Variants in RABGAP1L observed in about 807,000 individuals in gnomAD.
RABGAP1L encodes rab GTPase-activating protein 1-like.
RABGAP1L carries 63 observed loss-of-function variants against 137.7 expected under a neutral mutation model. That is an observed-to-expected ratio of 0.46 (90% CI 0.37 to 0.56). The LOEUF (loss-of-function observed/expected upper bound fraction) is 0.56. RABGAP1L is among the 20% of genes least tolerant of loss of function. The pLI is 0.00. For missense variants in RABGAP1L, 1,095 were observed against 1,244.0 expected (o/e 0.88, Z 1.80); for synonymous variants, 431 against 433.7 (o/e 0.99, Z 0.08).
chr1:174,656,445 G>C (rs1675978505), intron 14 of RABGAP1L, among the ~76,000 whole-genome samples: 1 of 152,130 alleles, frequency 6.6e-6, no homozygotes. Flanking sequence ...GCAACAGAGT[G>C]AGACTCCTTC....
intron 19 of RABGAP1L, among the ~76,000 whole-genome samples, chr1:174,910,848 T>A (rs142915640): frequency 6.6e-6 from 1 of 152,288 alleles, no homozygotes; most frequent in African/African-American, 2.4e-5. Context: ...AAATCATAAT[T>A]CTATATTTAA....
intron 17 of RABGAP1L, among the ~76,000 whole-genome samples, chr1:174,710,869 C>G (rs1345177029): frequency 1.3e-5 from 2 of 152,218 alleles, no homozygotes; most frequent in African/African-American, 2.4e-5. Context: ...AAAAGACAGA[C>G]TGGCAAATTG....
In RABGAP1L at chr1:174,448,648, C is replaced by T. The variant is rs2149251404; in HGVS notation, c.1710+54503C>T. 6.2e-7 allele frequency: 1 copy of T among 1,613,482 alleles called. No individual in the cohort carries two copies. The highest frequency in any genetic ancestry group is 2.2e-5 in the East Asian group (1 of 44,872). On this transcript the variant is annotated intron_variant, in intron 13 of 25. Coordinates refer to ENST00000681986, the MANE Select transcript of RABGAP1L (RefSeq NM_001366446.1). The surrounding 1 kb of genome is among the most constrained non-coding windows in gnomAD (Gnocchi z 4.2). Reference sequence around the variant, plus strand: ...TAATTTTCTTGCCTTCCTTTTTTGGCTGGGGGAAACCTGGTTACCATGGTG... The same window carrying T: ...TAATTTTCTTGCCTTCCTTTTTTGGTTGGGGGAAACCTGGTTACCATGGTG...
chr1:174,994,746 A>G lies in RABGAP1L; in HGVS notation c.*4745A>G, dbSNP rs1198000267. 1 of 152,252 alleles carries G rather than the reference A, an allele frequency of 6.6e-6. No individual in the cohort carries two copies. Among genetic ancestry groups the G allele is most frequent in the Non-Finnish European group, 1.5e-5 (1 of 68,042 alleles). The allele number at this position is 152,252 out of a possible 1,614,324, so 9.4% of individuals were successfully genotyped here. A position where few individuals can be genotyped will look rare whatever the true frequency, so the allele number is the denominator to read the frequency against. On this transcript the variant is annotated 3_prime_UTR_variant, in exon 26 of 26. Transcript: ENST00000681986. Reference sequence around the variant, plus strand: ...AGTTTCTCTATTTTTGGTATTTTGCATAATGCATGGATCCTTAGTTCAAAT... The same window carrying G: ...AGTTTCTCTATTTTTGGTATTTTGCGTAATGCATGGATCCTTAGTTCAAAT...
intron 18 of RABGAP1L, among the ~76,000 whole-genome samples, chr1:174,809,865 C>T (rs1689701807): frequency 6.6e-6 from 1 of 152,240 alleles, no homozygotes; most frequent in African/African-American, 2.4e-5. Flanking sequence ...GAGAGGCTCT[C>T]TCTCAGACTG....
intron 17 of RABGAP1L, among the ~76,000 whole-genome samples, chr1:174,715,370 T>C (rs1248135930): frequency 6.6e-6 from 1 of 152,226 alleles, no homozygotes; most frequent in African/African-American, 2.4e-5. Flanking sequence ...AGACCTTTCA[T>C]TGAAGAGTAG....
chr1:174,177,545 A>G (rs1290336575), intron 1 of RABGAP1L, among the ~76,000 whole-genome samples: 1 of 152,188 alleles, frequency 6.6e-6, no homozygotes, highest in Admixed American at 6.5e-5. Context: ...TTAGTCATGA[A>G]GTCTTTGCCC....
At chr1:174,349,969 C>T (rs1682954050) in intron 11 of RABGAP1L, among the ~76,000 whole-genome samples, 4 of 133,424 alleles carry the variant, frequency 3.0e-5, no homozygotes, top group Admixed American at 2.8e-4. Flanking sequence ...GGCTGACCCC[C>T]CCATCTCCCT....
chr1:174,377,033 TG>T, intron 12 of RABGAP1L, among the ~76,000 whole-genome samples: 1 of 152,302 alleles, frequency 6.6e-6, no homozygotes, highest in Middle Eastern at 3.4e-3. Context: ...AAGATCAATA[TG>T]TGCACATCAG....
intron 18 of RABGAP1L, among the ~76,000 whole-genome samples, chr1:174,753,837 T>C (rs1684521966): frequency 6.6e-6 from 1 of 152,192 alleles, no homozygotes; most frequent in Admixed American, 6.5e-5. Context: ...TCATATTATA[T>C]CTAATGTTTT....
intron 19 of RABGAP1L, among the ~76,000 whole-genome samples, chr1:174,846,072 AT>A (rs1694015434): frequency 6.6e-6 from 1 of 151,182 alleles, no homozygotes. Flanking sequence ...CGGTGGTGAT[AT>A]CCCCTTTATT....
intron 19 of RABGAP1L, among the ~76,000 whole-genome samples, chr1:174,941,013 A>T (rs1244630199): frequency 6.6e-6 from 1 of 152,212 alleles, no homozygotes; most frequent in Admixed American, 6.5e-5. Flanking sequence ...ATGCCAGGTC[A>T]TCTAGCTCCT....
At chr1:174,869,465 C>T (rs1651832512) in intron 19 of RABGAP1L, among the ~76,000 whole-genome samples, 1 of 152,118 alleles carries the variant, frequency 6.6e-6, no homozygotes, top group Non-Finnish European at 1.5e-5. Flanking sequence ...CCTTGCTTCC[C>T]CTTCACCTTC....
chr1:174,817,013 G>A (rs1198696161), intron 19 of RABGAP1L, among the ~76,000 whole-genome samples: 1 of 152,172 alleles, frequency 6.6e-6, no homozygotes, highest in Non-Finnish European at 1.5e-5. Context: ...ACAGGCGTGA[G>A]CCACTGCACT....
chr1:174,427,741 C>G (rs1431003226), intron 13 of RABGAP1L, among the ~76,000 whole-genome samples: 6 of 151,972 alleles, frequency 3.9e-5, no homozygotes, highest in Non-Finnish European at 7.4e-5. Context: ...GATAAGACAC[C>G]TACTATATAA....
At chr1:174,658,250 T>G (rs1460258724) in intron 14 of RABGAP1L, among the ~76,000 whole-genome samples, 1 of 152,214 alleles carries the variant, frequency 6.6e-6, no homozygotes, top group Non-Finnish European at 1.5e-5. Context: ...ATTATTTTTG[T>G]GATATTTCCT....
chr1:174,611,411 C>T (rs541208852), intron 13 of RABGAP1L, among the ~76,000 whole-genome samples: 3 of 152,016 alleles, frequency 2.0e-5, no homozygotes, highest in South Asian at 2.1e-4. Flanking sequence ...TTCCATTGGT[C>T]TATATCTCTC....
chr1:174,659,752 C>A (rs903555244), intron 14 of RABGAP1L, among the ~76,000 whole-genome samples: 1 of 152,156 alleles, frequency 6.6e-6, no homozygotes, highest in Non-Finnish European at 1.5e-5. Context: ...ACAGATATCT[C>A]AAATACAGCC....
At chr1:174,796,933 G>C (rs1055318067) in intron 18 of RABGAP1L, among the ~76,000 whole-genome samples, 1 of 151,984 alleles carries the variant, frequency 6.6e-6, no homozygotes, top group Non-Finnish European at 1.5e-5. Flanking sequence ...CTTGAACCTG[G>C]GAGGCGGAGG....
Sources: gnomAD v4.1 joint callset for allele counts (sites outside exome capture counted in the v4.1 genomes callset) on GRCh38, gnomAD v4.1.1 for gene constraint, Gnocchi (gnomAD v3.1) non-coding constraint, MANE v1.5 for transcripts, NCBI Gene and HGNC (gene_info 2026-07-23, HGNC 2026-07-21) for gene names.